The following C13orf46 variants were observed in gnomAD, a reference collection of about 807,000 sequenced individuals.
The protein encoded by C13orf46 is uncharacterized protein C13orf46.
chr13:113,962,523 G>A (rs936112189), intron 6 of C13orf46, among the ~76,000 whole-genome samples: 67 of 152,346 alleles, frequency 4.4e-4, no homozygotes, highest in African/African-American at 8.7e-4. Flanking sequence ...CTTCCTGGGC[G>A]GGAACCTCCC....
At chr13:113,933,216 T>C in the C13orf46 span, among the ~76,000 whole-genome samples, 1 of 152,158 alleles carries the variant, frequency 6.6e-6, no homozygotes, top group South Asian at 2.1e-4. Context: ...GGATTTGTAA[T>C]TGTTTTATTT....
intron 6 of C13orf46, among the ~76,000 whole-genome samples, chr13:113,957,585 C>T (rs2052548881): frequency 7.0e-6 from 1 of 142,942 alleles, no homozygotes; most frequent in Non-Finnish European, 1.5e-5. Flanking sequence ...GGGGGTCTCC[C>T]CTGCACTCTG....
chr13:113,959,025 C>T (rs888615654), intron 6 of C13orf46, among the ~76,000 whole-genome samples: 15 of 148,780 alleles, frequency 1.0e-4, no homozygotes, highest in African/African-American at 3.6e-4. Flanking sequence ...TGCTTGTAAT[C>T]CCAGCACTTG....
chr13:113,938,712 C>G, the C13orf46 span, among the ~76,000 whole-genome samples: 1 of 152,190 alleles, frequency 6.6e-6, no homozygotes, highest in Admixed American at 6.5e-5. Flanking sequence ...GGAGTCGCTC[C>G]CTTCCACACG....
downstream of C13orf46, among the ~76,000 whole-genome samples, chr13:113,953,382 C>T (rs2052497219): frequency 6.6e-6 from 1 of 152,180 alleles, no homozygotes; most frequent in Admixed American, 6.5e-5. Context: ...CCCGTGGCAA[C>T]AATCACCTCT....
At chr13:113,946,096 G>A in the C13orf46 span, among the ~76,000 whole-genome samples, 1 of 132,214 alleles carries the variant, frequency 7.6e-6, no homozygotes, top group Non-Finnish European at 1.7e-5. Context: ...TGGCGTTCTT[G>A]CTGACACATT....
At chr13:113,937,160 G>A in the C13orf46 span, among the ~76,000 whole-genome samples, 7 of 152,278 alleles carry the variant, frequency 4.6e-5, no homozygotes, top group African/African-American at 9.6e-5. Flanking sequence ...TGGTTACCTC[G>A]GGTCTCTTTC....
rs909044781 is a variant in C13orf46 at position 113,960,173 on chromosome 13, G to A, written c.573-3334C>T. On this transcript the variant is annotated intron_variant, in intron 6 of 6. Transcript: ENST00000636427. The stretch of plus-strand genomic sequence containing the variant: ...TTGGGAGCTGAGGCAGGAGAATGGC[G>A]TGAACCCAGGAGGCGGAGCTTGCAG... 2.3e-3 allele frequency among the ~76,000 whole-genome samples: 348 copies of A among 152,136 alleles called. 1 individual carries two copies. The highest frequency in any genetic ancestry group is 7.6e-3 in the African/African-American group (316 of 41,494).
chr13:113,958,816 G>C (rs2052563696), intron 6 of C13orf46, among the ~76,000 whole-genome samples: 2 of 152,298 alleles, frequency 1.3e-5, no homozygotes, highest in Admixed American at 6.5e-5. Flanking sequence ...CCCAGCACAG[G>C]CCCTTGGGGC....
downstream of C13orf46, among the ~76,000 whole-genome samples, chr13:113,949,382 G>A (rs919056642): frequency 1.6e-4 from 24 of 152,306 alleles, no homozygotes; most frequent in East Asian, 4.4e-3. Context: ...ACCCATGTAC[G>A]GCTGTCATCA....
intron 6 of C13orf46, among the ~76,000 whole-genome samples, chr13:113,957,594 T>C (rs1180427258): frequency 8.4e-6 from 1 of 118,928 alleles, no homozygotes; most frequent in Non-Finnish European, 1.7e-5. Context: ...CCCTGCACTC[T>C]GCCTGCACCC....
chr13:113,952,312 C>G (rs1406526135), downstream of C13orf46, among the ~76,000 whole-genome samples: 5 of 144,952 alleles, frequency 3.4e-5, no homozygotes, highest in Non-Finnish European at 6.2e-5. Flanking sequence ...TGTGTGGCCA[C>G]CCCTCCGCCT....
At chr13:113,952,436 G>T (rs2052493116), downstream of C13orf46, among the ~76,000 whole-genome samples, 2 of 152,252 alleles carry the variant, frequency 1.3e-5, no homozygotes, top group African/African-American at 2.4e-5. Context: ...CTCAGGGCTG[G>T]GTTCCAAGGG....
the C13orf46 span, among the ~76,000 whole-genome samples, chr13:113,939,407 G>GAGGACGCAGACCACCCAATGGGA: frequency 6.6e-6 from 1 of 152,246 alleles, no homozygotes; most frequent in Admixed American, 6.5e-5. Context: ...ACCCGATGGG[G>GAGGACGCAGACCACCCAATGGGA]AGGACGCAGA....
downstream of C13orf46, among the ~76,000 whole-genome samples, chr13:113,952,229 G>A (rs1234239672): frequency 3.3e-5 from 5 of 152,192 alleles, no homozygotes; most frequent in South Asian, 2.1e-4. Context: ...TGTAGCTGGC[G>A]TGGCTGGAGG....
intron 5 of C13orf46, among the ~76,000 whole-genome samples, chr13:113,965,922 AATG>A (rs1217200616): frequency 4.1e-5 from 6 of 145,894 alleles, no homozygotes; most frequent in Non-Finnish European, 7.5e-5. Flanking sequence ...TGATGGTGAC[AATG>A]ATGATGATTA....
chr13:113,959,517 C>T (rs1216566868), intron 6 of C13orf46, among the ~76,000 whole-genome samples: 1 of 152,200 alleles, frequency 6.6e-6, no homozygotes, highest in African/African-American at 2.4e-5. Context: ...GGACAACCAA[C>T]CTCCAGTCAG....
the C13orf46 span, chr13:113,927,404 C>G: frequency 9.3e-5 from 37 of 396,666 alleles, no homozygotes; most frequent in African/African-American, 5.7e-4. Context: ...ACACCTCCCC[C>G]CTCTCCACCC....
At chr13:113,929,465 C>A in the C13orf46 span, among the ~76,000 whole-genome samples, 1 of 152,210 alleles carries the variant, frequency 6.6e-6, no homozygotes, top group African/African-American at 2.4e-5. Flanking sequence ...TCTTGGGGAC[C>A]GAGTCATTGC....
Sources: allele counts gnomAD v4.1 joint callset (sites outside exome capture counted in the v4.1 genomes callset), GRCh38; gene constraint gnomAD v4.1.1; transcripts MANE v1.5; gene names NCBI Gene and HGNC (gene_info 2026-07-23, HGNC 2026-07-21).